Variants in INPP4B observed in about 807,000 individuals in gnomAD.
INPP4B encodes the protein inositol polyphosphate-4-phosphatase type II B.
INPP4B carries 55 observed loss-of-function variants against 122.5 expected under a neutral mutation model. The ratio of observed to expected loss-of-function variants is 0.45; its 90% CI spans 0.36 to 0.56. INPP4B has a LOEUF of 0.56. Among genes scored for constraint, INPP4B ranks in the 20% least tolerant of loss-of-function variants. INPP4B has a pLI of 0.00. For synonymous variants in INPP4B, 403 were observed against 388.7 expected, an observed-to-expected ratio of 1.04 and a Z score of -0.43; for missense variants, 1,000 against 1,097.7, an observed-to-expected ratio of 0.91 and a Z score of 1.26.
intron 18 of INPP4B, among the ~76,000 whole-genome samples, chr4:142,145,287 G>C (rs1480517227): frequency 6.6e-6 from 1 of 151,994 alleles, no homozygotes; most frequent in Admixed American, 6.6e-5. Flanking sequence ...ATACACATGT[G>C]TGCATGGTTT....
intron 1 of INPP4B, among the ~76,000 whole-genome samples, chr4:142,734,638 T>TTTTGTTTGTTTG (rs374247716): frequency 6.6e-6 from 1 of 152,002 alleles, no homozygotes; most frequent in Non-Finnish European, 1.5e-5. Context: ...CACTATTAGA[T>TTTTGTTTGTTTG]TTTGTTTGTT....
At chr4:142,332,986 G>A (rs776763759) in intron 7 of INPP4B, among the ~76,000 whole-genome samples, 172 of 146,996 alleles carry the variant, frequency 1.2e-3, no homozygotes, top group Non-Finnish European at 1.9e-3. Flanking sequence ...ACTCCAGCCT[G>A]GGCGACAGAG....
intron 2 of INPP4B, among the ~76,000 whole-genome samples, chr4:142,515,598 C>T (rs1396153068): frequency 6.6e-6 from 1 of 152,158 alleles, no homozygotes; most frequent in Non-Finnish European, 1.5e-5. Flanking sequence ...TCACACTGTC[C>T]TCCTCAGCAA....
At chr4:142,231,457 T>C (rs1243873722) in intron 12 of INPP4B, among the ~76,000 whole-genome samples, 1 of 152,244 alleles carries the variant, frequency 6.6e-6, no homozygotes, top group Non-Finnish European at 1.5e-5. Flanking sequence ...TATACTTTAA[T>C]GTTATGAGTG....
intron 2 of INPP4B, among the ~76,000 whole-genome samples, chr4:142,650,737 T>C (rs1388292922): frequency 6.6e-6 from 1 of 152,118 alleles, no homozygotes; most frequent in Non-Finnish European, 1.5e-5. Flanking sequence ...CTTAGAGATC[T>C]ACAAAGAGAT....
At chr4:142,292,183 T>C (rs1356819541) in intron 9 of INPP4B, among the ~76,000 whole-genome samples, 2 of 152,208 alleles carry the variant, frequency 1.3e-5, no homozygotes, top group Non-Finnish European at 2.9e-5. Context: ...AAATCTGGCT[T>C]ATAAAACCAC....
intron 7 of INPP4B, among the ~76,000 whole-genome samples, chr4:142,401,622 C>T (rs1442549242): frequency 2.0e-5 from 3 of 152,174 alleles, no homozygotes; most frequent in Non-Finnish European, 2.9e-5. Context: ...GTAACTTACC[C>T]TTATTAATTA....
intron 2 of INPP4B, among the ~76,000 whole-genome samples, chr4:142,649,006 T>C (rs1211643249): frequency 6.6e-6 from 1 of 152,162 alleles, no homozygotes; most frequent in Non-Finnish European, 1.5e-5. Flanking sequence ...AGAGGGAGGA[T>C]CAGGCAGCAA....
chr4:142,812,039 G>A (rs767034727), intron 1 of INPP4B, among the ~76,000 whole-genome samples: 1 of 152,070 alleles, frequency 6.6e-6, no homozygotes, highest in Non-Finnish European at 1.5e-5. Context: ...CACGAGAATT[G>A]CATGGATGTA....
intron 1 of INPP4B, among the ~76,000 whole-genome samples, chr4:142,824,810 A>G (rs1223401192): frequency 1.3e-5 from 2 of 152,120 alleles, no homozygotes; most frequent in Admixed American, 1.3e-4. Flanking sequence ...TGTTAAAAAA[A>G]AAAGTCTAGA....
intron 12 of INPP4B, among the ~76,000 whole-genome samples, chr4:142,214,406 C>T (rs909035272): frequency 6.6e-6 from 1 of 152,156 alleles, no homozygotes; most frequent in Non-Finnish European, 1.5e-5. Context: ...CTGAGATGTC[C>T]TTCTTGAACG....
At chr4:142,348,046 A>G (rs551887467) in intron 7 of INPP4B, among the ~76,000 whole-genome samples, 1 of 152,234 alleles carries the variant, frequency 6.6e-6, no homozygotes, top group Admixed American at 6.5e-5. Flanking sequence ...ATGTGACTGC[A>G]TAAACATCAC....
chr4:142,060,618 C>T (rs1001118801), intron 25 of INPP4B, among the ~76,000 whole-genome samples: 2 of 152,114 alleles, frequency 1.3e-5, no homozygotes, highest in Admixed American at 1.3e-4. Flanking sequence ...GTCTTTTAAC[C>T]CGTCTGTGGC....
intron 2 of INPP4B, among the ~76,000 whole-genome samples, chr4:142,639,732 G>A (rs77459010): frequency 0.012 from 1,750 of 152,110 alleles, 31 homozygotes; most frequent in African/African-American, 0.032. Context: ...CTAGCTCTTC[G>A]TGTTTGAGTT....
At chr4:142,822,408 A>G (rs1349985771) in intron 1 of INPP4B, among the ~76,000 whole-genome samples, 1 of 152,114 alleles carries the variant, frequency 6.6e-6, no homozygotes, top group Non-Finnish European at 1.5e-5. Context: ...CCTGTTGGAA[A>G]CCAGACCAAA....
At chr4:142,640,286 T>C (rs1004593330) in intron 2 of INPP4B, among the ~76,000 whole-genome samples, 4 of 152,098 alleles carry the variant, frequency 2.6e-5, no homozygotes, top group African/African-American at 7.2e-5. Context: ...CTTGCTCTAT[T>C]GGAAATTAAG....
intron 2 of INPP4B, among the ~76,000 whole-genome samples, chr4:142,595,851 T>G (rs540769872): frequency 1.9e-4 from 29 of 152,068 alleles, no homozygotes; most frequent in Non-Finnish European, 4.1e-4. Context: ...TTCTATGTAT[T>G]TATTTATTTA....
chr4:142,633,762 C>A (rs897394145), intron 2 of INPP4B, among the ~76,000 whole-genome samples: 6 of 151,640 alleles, frequency 4.0e-5, no homozygotes, highest in African/African-American at 1.5e-4. Context: ...TAAAATGACA[C>A]AAAATTGATA....
At chr4:142,221,869 G>A (rs1849532108) in intron 12 of INPP4B, among the ~76,000 whole-genome samples, 1 of 152,172 alleles carries the variant, frequency 6.6e-6, no homozygotes, top group African/African-American at 2.4e-5. Flanking sequence ...AAGTGACTAT[G>A]GTATGGGATA....
Sources: allele counts gnomAD v4.1 joint callset (sites outside exome capture counted in the v4.1 genomes callset), GRCh38; gene constraint gnomAD v4.1.1; transcripts MANE v1.5; gene names NCBI Gene and HGNC (gene_info 2026-07-23, HGNC 2026-07-21).